KCNMA1: variants seen among roughly 807,000 people sequenced by gnomAD.
The protein encoded by KCNMA1 is Calcium-activated potassium channel subunit alpha-1.
In KCNMA1, 29 loss-of-function variants were observed where a neutral mutation model predicts 140.0. The ratio of observed to expected loss-of-function variants is 0.21; its 90% confidence interval spans 0.15 to 0.28. The LOEUF (loss-of-function observed/expected upper bound fraction) is 0.28. Ranked by LOEUF, KCNMA1 falls within the 10% of genes least tolerant of loss-of-function variation. KCNMA1 has a pLI of 1.00. For missense variants in KCNMA1, 880 were observed against 1,602.2 expected (o/e 0.55, Z 7.70); for synonymous variants, 612 against 611.9 (o/e 1.00, Z 0.00).
chr10:77,316,758 C>A (rs146285325), intron 2 of KCNMA1, among the ~76,000 whole-genome samples: 1 of 152,312 alleles, frequency 6.6e-6, no homozygotes, highest in East Asian at 1.9e-4. Context: ...CCAAGAGGAT[C>A]TTTCTCACGA....
intron 9 of KCNMA1, among the ~76,000 whole-genome samples, chr10:77,095,523 GA>G (rs1406870104): frequency 6.6e-6 from 1 of 152,152 alleles, no homozygotes; most frequent in Non-Finnish European, 1.5e-5. Flanking sequence ...TGGTTTAACT[GA>G]AAAGGGCAGT....
chr10:77,251,868 C>A, intron 2 of KCNMA1, among the ~76,000 whole-genome samples: 1 of 152,182 alleles, frequency 6.6e-6, no homozygotes, highest in East Asian at 1.9e-4. Flanking sequence ...CACTAATCTA[C>A]TTTCTGTCAC....
chr10:77,384,271 G>T (rs185606115), intron 2 of KCNMA1, among the ~76,000 whole-genome samples: 11 of 152,344 alleles, frequency 7.2e-5, no homozygotes, highest in African/African-American at 2.6e-4. Flanking sequence ...CTATGCAGCT[G>T]CACAGGCACT....
chr10:77,042,871 G>T (rs569358117), intron 14 of KCNMA1, among the ~76,000 whole-genome samples: 1 of 152,240 alleles, frequency 6.6e-6, no homozygotes, highest in Non-Finnish European at 1.5e-5. Flanking sequence ...AGCAAATATT[G>T]ACTGCATATA....
intron 12 of KCNMA1, among the ~76,000 whole-genome samples, chr10:77,083,052 G>A (rs1188762830): frequency 6.6e-6 from 1 of 152,152 alleles, no homozygotes; most frequent in East Asian, 1.9e-4. Context: ...TCAACCTCAG[G>A]TAAGTTCCCA....
At chr10:77,622,883 G>T (rs375596942) in intron 1 of KCNMA1, among the ~76,000 whole-genome samples, 2 of 152,140 alleles carry the variant, frequency 1.3e-5, no homozygotes, top group African/African-American at 4.8e-5. Flanking sequence ...ACCTGAGGAG[G>T]AATCATTGCT....
intron 2 of KCNMA1, among the ~76,000 whole-genome samples, chr10:77,257,325 A>C (rs1257232539): frequency 6.6e-6 from 1 of 152,236 alleles, no homozygotes; most frequent in Non-Finnish European, 1.5e-5. Context: ...GAAACAGTTA[A>C]GTCTGGCCTG....
intron 3 of KCNMA1, among the ~76,000 whole-genome samples, chr10:77,214,892 T>C (rs12357970): frequency 0.068 from 10,306 of 151,044 alleles, 389 homozygotes; most frequent in South Asian, 0.085. Context: ...CTGGGGCACC[T>C]TCTCTCCTCT....
At chr10:77,053,379 C>A (rs534814961) in intron 14 of KCNMA1, among the ~76,000 whole-genome samples, 5 of 152,300 alleles carry the variant, frequency 3.3e-5, no homozygotes, top group African/African-American at 1.2e-4. Flanking sequence ...CTGGGAAAAA[C>A]CAGACAGATG....
chr10:76,880,772 C>T (rs1227654852), downstream of KCNMA1, among the ~76,000 whole-genome samples: 1 of 152,180 alleles, frequency 6.6e-6, no homozygotes, highest in Non-Finnish European at 1.5e-5. Flanking sequence ...ATGAATGCTG[C>T]CATGACAAGG....
intron 2 of KCNMA1, among the ~76,000 whole-genome samples, chr10:77,261,223 A>G (rs1411750707): frequency 6.6e-6 from 1 of 152,212 alleles, no homozygotes; most frequent in Non-Finnish European, 1.5e-5. Flanking sequence ...TTTACTATAA[A>G]TCATGCATCC....
chr10:77,058,320 T>C (rs890083269), intron 14 of KCNMA1, among the ~76,000 whole-genome samples: 1 of 152,118 alleles, frequency 6.6e-6, no homozygotes, highest in East Asian at 1.9e-4. Context: ...ATTGGAGACT[T>C]CAGCATCCTT....
Position 77,570,944 on chromosome 10 carries a change from T to A in KCNMA1, c.378+66321A>T, listed in dbSNP as rs966550379. ...AGACTCTGTCTCAAAAAAAAAAAAA[T>A]ACTTTCTTTGATATATCTTTATGAG... On this transcript the variant is annotated intron_variant, in intron 1 of 27. Transcript: ENST00000286628. Among the ~76,000 whole-genome samples the A allele has an allele frequency of 3.6e-4, 48 of 132,232 alleles. 1 individual carries two copies. The South Asian group carries it at 8.9e-3, about 24-fold the overall frequency. 86.7% of individuals were successfully genotyped at this position (132,232 alleles called of 152,430 possible). A position where few individuals can be genotyped will look rare whatever the true frequency, so the allele number is the denominator to read the frequency against.
chr10:77,160,654 A>G (rs2098544553), intron 5 of KCNMA1, among the ~76,000 whole-genome samples: 1 of 152,232 alleles, frequency 6.6e-6, no homozygotes, highest in Non-Finnish European at 1.5e-5. Context: ...CCTTGCCCAT[A>G]TCTGCCAATT....
intron 5 of KCNMA1, among the ~76,000 whole-genome samples, chr10:77,128,879 G>A (rs1336160404): frequency 6.6e-6 from 1 of 152,172 alleles, no homozygotes; most frequent in Non-Finnish European, 1.5e-5. Flanking sequence ...GTGGGTCTCC[G>A]ATGGGGCCTG....
chr10:76,963,240 T>C (rs1032725018), intron 20 of KCNMA1, among the ~76,000 whole-genome samples: 3 of 151,998 alleles, frequency 2.0e-5, no homozygotes, highest in African/African-American at 7.3e-5. Context: ...TTCAAAAGAG[T>C]GGTTCTCAAA....
intron 5 of KCNMA1, among the ~76,000 whole-genome samples, chr10:77,126,164 G>C (rs1406847232): frequency 6.6e-6 from 1 of 152,038 alleles, no homozygotes; most frequent in Non-Finnish European, 1.5e-5. Flanking sequence ...TGAAATAAAT[G>C]ATTTTCTAAG....
At chr10:77,566,531 G>A (rs116630107) in intron 1 of KCNMA1, among the ~76,000 whole-genome samples, 190 of 152,328 alleles carry the variant, frequency 1.2e-3, no homozygotes, top group African/African-American at 4.4e-3. Context: ...TTCCCTGCAG[G>A]CTGAGCCCCC....
At chr10:77,281,567 A>G (rs1382795682) in intron 2 of KCNMA1, among the ~76,000 whole-genome samples, 1 of 152,156 alleles carries the variant, frequency 6.6e-6, no homozygotes, top group Non-Finnish European at 1.5e-5. Context: ...GGCTGACTTT[A>G]TCTAGACCAC....
Sources: gnomAD v4.1 joint callset for allele counts (sites outside exome capture counted in the v4.1 genomes callset) on GRCh38, gnomAD v4.1.1 for gene constraint, MANE v1.5 for transcripts, NCBI Gene and HGNC (gene_info 2026-07-23, HGNC 2026-07-21) for gene names.